Variants in PIWIL2 observed in about 807,000 individuals in gnomAD.
PIWIL2 encodes piwi-like protein 2.
In PIWIL2, 81 loss-of-function variants were observed where a neutral mutation model predicts 116.5. The ratio of observed to expected loss-of-function variants is 0.70; its 90% CI spans 0.58 to 0.84. The LOEUF (loss-of-function observed/expected upper bound fraction) is 0.84, where lower values mean the gene tolerates loss of function less well. Ranked by LOEUF, PIWIL2 falls within the 40% of genes least tolerant of loss-of-function variation. The probability of loss-of-function intolerance (pLI) is 0.00; values close to 1 mark genes in which losing one functional copy is unlikely to be tolerated. For synonymous variants in PIWIL2, 489 were observed against 429.5 expected, an observed-to-expected ratio of 1.14 and a Z score of -1.71; for missense variants, 1,272 against 1,212.3, an observed-to-expected ratio of 1.05 and a Z score of -0.73.
In PIWIL2 at chr8:22,279,576, G is replaced by C; in HGVS notation, c.190G>C (p.Ala64Pro). ...PEEPSTQRGP[A>P]QRESVGLVSM... ...GGAACCAAGCACACAGAGGGGGCCAGCACAAAGGGTAAGACCACTTCCGGA... is the reference window on the plus strand; with the variant it reads ...GGAACCAAGCACACAGAGGGGGCCACCACAAAGGGTAAGACCACTTCCGGA... Residue 64 changes from alanine to proline, a missense_variant, in exon 2 of 23, where the codon GCA becomes CCA. Transcript: ENST00000356766. 1 of 1,614,010 alleles carries C rather than the reference G, an allele frequency of 6.2e-7. No homozygotes were observed. The highest frequency in any genetic ancestry group is 8.5e-7 in the Non-Finnish European group (1 of 1,179,884).
At chr8:22,322,025 T>C (rs1422818131) in intron 20 of PIWIL2, 1 of 980,014 alleles carries the variant, frequency 1.0e-6, no homozygotes, top group East Asian at 1.1e-4. Context: ...GTTTTGGTTT[T>C]TTTTTTTGTA....
At chr8:22,350,834 T>TA (rs1832335988) in intron 20 of PIWIL2, among the ~76,000 whole-genome samples, 1 of 151,760 alleles carries the variant, frequency 6.6e-6, no homozygotes, top group Non-Finnish European at 1.5e-5. Flanking sequence ...ACCCTGTCTC[T>TA]AAAAAATGTT....
intron 20 of PIWIL2, among the ~76,000 whole-genome samples, chr8:22,349,567 C>T (rs1832310054): frequency 6.6e-6 from 1 of 151,972 alleles, no homozygotes; most frequent in Non-Finnish European, 1.5e-5. Context: ...GAGTCAGACT[C>T]AGTCCCAGGT....
chr8:22,287,508 T>G lies in PIWIL2; in HGVS notation c.744-20T>G. On this transcript the variant is annotated intron_variant, in intron 6 of 22. Transcript: ENST00000356766. ...CAGTTTGAGTCAAGTTAAAGGAAAA[T>G]CCTCTTCATTATTTTCCAGCCCCAA... 2.0e-6 allele frequency: 3 copies of G among 1,516,310 alleles called. No individual in the cohort carries two copies. The highest frequency in any genetic ancestry group is 1.7e-4 in the Middle Eastern group (1 of 5,888). The allele number at this position is 1,516,310 out of a possible 1,614,324, so 93.9% of individuals were successfully genotyped here. A position where few individuals can be genotyped will look rare whatever the true frequency, so the allele number is the denominator to read the frequency against.
chr8:22,325,585 G>A (rs932038923), intron 20 of PIWIL2, among the ~76,000 whole-genome samples: 6 of 141,084 alleles, frequency 4.3e-5, no homozygotes, highest in African/African-American at 1.6e-4. Context: ...CCAGGTTCAA[G>A]TGATTCTCCT....
chr8:22,357,214 C>T lies in PIWIL2; in HGVS notation c.*1709C>T, dbSNP rs1326502178. 6 of 152,040 alleles carry T rather than the reference C, an allele frequency of 3.9e-5. No individual in the cohort carries two copies. Among genetic ancestry groups the T allele is most frequent in the Non-Finnish European group, 5.9e-5 (4 of 68,014 alleles). The allele number at this position is 152,040 out of a possible 1,614,324, so 9.4% of individuals were successfully genotyped here. A position where few individuals can be genotyped will look rare whatever the true frequency, so the allele number is the denominator to read the frequency against. On this transcript the variant is annotated 3_prime_UTR_variant, in exon 23 of 23. Coordinates refer to ENST00000356766, the MANE Select transcript of PIWIL2 (RefSeq NM_018068.5). ...TTTTTGGTTTGTTGCGGTGCCCAGC[C>T]GAGGTTGAGGAGGGATGGGTATTGT...
At chr8:22,277,419 G>A (rs1830402397) in intron 1 of PIWIL2, among the ~76,000 whole-genome samples, 1 of 152,166 alleles carries the variant, frequency 6.6e-6, no homozygotes, top group South Asian at 2.1e-4. Context: ...GAGAGAGAAG[G>A]GTGTTAAATG....
At chr8:22,342,735 C>A (rs1444742140) in intron 20 of PIWIL2, among the ~76,000 whole-genome samples, 1 of 151,728 alleles carries the variant, frequency 6.6e-6, no homozygotes, top group East Asian at 1.9e-4. Flanking sequence ...GCCAAAAGCC[C>A]ATGAAAGGAA....
At position 22,316,707 on chromosome 8, in the gene PIWIL2, C is replaced by T. The variant is rs532511086; in HGVS notation, c.2297+374C>T. ...ATGTTGGCCAGGCTGGTCTTGAACA[C>T]CTAACCTCAGGTGATCCGCCCACCT... On this transcript the variant is annotated intron_variant, in intron 19 of 22. Transcript: ENST00000356766. Among the ~76,000 whole-genome samples, 26 of 152,146 alleles carry T rather than the reference C, an allele frequency of 1.7e-4. No homozygotes were observed. The South Asian group carries it at 5.2e-3, about 30-fold the overall frequency.
chr8:22,330,469 C>T (rs1212552210), intron 20 of PIWIL2, among the ~76,000 whole-genome samples: 1 of 151,856 alleles, frequency 6.6e-6, no homozygotes. Context: ...GAGGCCGAGG[C>T]GGGTGGATCA....
At chr8:22,345,394 C>T (rs1425801013) in intron 20 of PIWIL2, among the ~76,000 whole-genome samples, 3 of 152,320 alleles carry the variant, frequency 2.0e-5, no homozygotes, top group Non-Finnish European at 4.4e-5. Context: ...GGCGCAGTGG[C>T]TCACACCTAT....
chr8:22,330,556 G>A (rs996942766), intron 20 of PIWIL2, among the ~76,000 whole-genome samples: 1 of 151,758 alleles, frequency 6.6e-6, no homozygotes, highest in Non-Finnish European at 1.5e-5. Flanking sequence ...CATTAGCTGG[G>A]CGTAGTGGCG....
In PIWIL2 at chr8:22,339,770, C is replaced by A. The variant is rs567098785; in HGVS notation, c.2404-13189C>A. Among the ~76,000 whole-genome samples, 66 of 152,290 alleles carry A rather than the reference C, an allele frequency of 4.3e-4. 1 individual carries two copies. Among genetic ancestry groups the A allele is most frequent in the African/African-American group, 1.6e-3 (65 of 41,564 alleles). On this transcript the variant is annotated intron_variant, in intron 20 of 22. Coordinates refer to ENST00000356766, the MANE Select transcript of PIWIL2 (RefSeq NM_018068.5). ...ATCCAGAATATGCAAAGAAGTCTTA[C>A]AACTCAAGAAAAACACAACCCAATT... is the stretch of plus-strand genomic sequence containing the variant.
chr8:22,284,843 G>T (rs1338871824), intron 6 of PIWIL2, among the ~76,000 whole-genome samples: 1 of 152,012 alleles, frequency 6.6e-6, no homozygotes, highest in Non-Finnish European at 1.5e-5. Context: ...ATATTAGTTT[G>T]TGTTCTCTCT....
At position 22,287,442 on chromosome 8, in the gene PIWIL2, C is replaced by A. The variant is rs1830654081; in HGVS notation, c.744-86C>A. 4 of 847,244 alleles carry A rather than the reference C, an allele frequency of 4.7e-6. No homozygotes were observed. In the Admixed American group the frequency reaches 5.1e-5, roughly 11 times the overall value. 52.5% of individuals were successfully genotyped at this position (847,244 alleles called of 1,614,324 possible). A position where few individuals can be genotyped will look rare whatever the true frequency, so the allele number is the denominator to read the frequency against. Reference sequence around the variant, plus strand: ...TGCCCGCTAGATGGAGCAGCAGTTACTGGGTAACTAGCACCTGTTGCACAG... The same window carrying A: ...TGCCCGCTAGATGGAGCAGCAGTTAATGGGTAACTAGCACCTGTTGCACAG... On this transcript the variant is annotated intron_variant, in intron 6 of 22. Coordinates refer to ENST00000356766, the MANE Select transcript of PIWIL2 (RefSeq NM_018068.5).
At chr8:22,305,318 GAGTAGCTGGGACTAC>G (rs1831150225) in intron 12 of PIWIL2, among the ~76,000 whole-genome samples, 1 of 152,026 alleles carries the variant, frequency 6.6e-6, no homozygotes, top group African/African-American at 2.4e-5. Flanking sequence ...TCAGCCTCCT[GAGTAGCTGGGACTAC>G]AGGAGCCCGC....
intron 15 of PIWIL2, 85 bp downstream of exon 15, chr8:22,310,159 T>C: frequency 1.4e-6 from 1 of 714,650 alleles, no homozygotes; most frequent in Non-Finnish European, 2.4e-6. Context: ...TAGAGTCTTC[T>C]TTTTTGAGGG....
chr8:22,280,107 A>G (rs887037671), intron 2 of PIWIL2, among the ~76,000 whole-genome samples: 2 of 152,256 alleles, frequency 1.3e-5, no homozygotes, highest in Non-Finnish European at 1.5e-5. Context: ...AATGAGCGCT[A>G]GATGGACTTG....
intron 6 of PIWIL2, among the ~76,000 whole-genome samples, chr8:22,285,976 A>G (rs1011471711): frequency 2.0e-5 from 3 of 152,162 alleles, no homozygotes; most frequent in African/African-American, 4.8e-5. Context: ...AAAGGTAGCT[A>G]TACTAGGAAG....
Sources: gnomAD v4.1 joint callset for allele counts (sites outside exome capture counted in the v4.1 genomes callset) on GRCh38, gnomAD v4.1.1 for gene constraint, MANE v1.5 for transcripts, NCBI Gene and HGNC (gene_info 2026-07-23, HGNC 2026-07-21) for gene names.